Variants in SYT1 observed in about 807,000 individuals in gnomAD.
The protein encoded by SYT1 is synaptotagmin-1.
Under a neutral mutation model 44.8 loss-of-function variants are expected in SYT1, and 8 were observed. That is an observed-to-expected ratio of 0.18 (90% confidence interval 0.10 to 0.32). The LOEUF (loss-of-function observed/expected upper bound fraction) is 0.32, where lower values mean the gene tolerates loss of function less well. Among genes scored for constraint, SYT1 ranks in the 10% least tolerant of loss-of-function variants. SYT1 has a pLI of 1.00. For missense variants in SYT1, 286 were observed against 509.3 expected, an observed-to-expected ratio of 0.56 and a Z score of 4.22; for synonymous variants, 154 against 188.8, an observed-to-expected ratio of 0.82 and a Z score of 1.51.
intron 3 of SYT1, among the ~76,000 whole-genome samples, chr12:79,111,320 T>C (rs1878996500): frequency 6.6e-6 from 1 of 152,024 alleles, no homozygotes; most frequent in Non-Finnish European, 1.5e-5. Flanking sequence ...GTTTTTCTCC[T>C]GCCTTACGTA....
intron 1 of SYT1, among the ~76,000 whole-genome samples, chr12:78,955,178 A>T (rs1879146052): frequency 6.6e-6 from 1 of 152,180 alleles, no homozygotes; most frequent in African/African-American, 2.4e-5. Context: ...ATAATTCAAC[A>T]GTTCTGTTTG....
intron 3 of SYT1, among the ~76,000 whole-genome samples, chr12:79,090,059 C>A (rs12319267): frequency 0.15 from 22,776 of 151,944 alleles, 1,811 homozygotes; most frequent in South Asian, 0.19. Flanking sequence ...TAGCCTAAAA[C>A]TATGTCTACT....
chr12:79,091,365 A>G (rs1039465460), intron 3 of SYT1, among the ~76,000 whole-genome samples: 1 of 151,998 alleles, frequency 6.6e-6, no homozygotes, highest in Non-Finnish European at 1.5e-5. Context: ...GTGTAAGCAA[A>G]CAAGTTTTTA....
At chr12:79,188,806 G>A (rs1258332754) in intron 3 of SYT1, among the ~76,000 whole-genome samples, 1 of 152,086 alleles carries the variant, frequency 6.6e-6, no homozygotes, top group Non-Finnish European at 1.5e-5. Context: ...ACTAATGGCT[G>A]ACTTTCAAGT....
chr12:79,044,060 T>C (rs970724284), intron 2 of SYT1, among the ~76,000 whole-genome samples: 259 of 152,218 alleles, frequency 1.7e-3, no homozygotes, highest in Middle Eastern at 3.4e-3. Flanking sequence ...GCCCTTAACA[T>C]TTTTTCCTTC....
At chr12:79,262,437 G>C (rs1347962798) in intron 4 of SYT1, among the ~76,000 whole-genome samples, 2 of 134,374 alleles carry the variant, frequency 1.5e-5, no homozygotes, top group Non-Finnish European at 1.6e-5. Context: ...GAGGACCAGA[G>C]CCAAGATCAC....
intron 4 of SYT1, among the ~76,000 whole-genome samples, chr12:79,283,527 C>T (rs1013492670): frequency 2.6e-5 from 4 of 151,988 alleles, no homozygotes; most frequent in African/African-American, 7.2e-5. Flanking sequence ...GCTCTCTGAG[C>T]GACTATCACC....
chr12:78,975,417 T>C (rs543921465), intron 1 of SYT1, among the ~76,000 whole-genome samples: 9 of 152,262 alleles, frequency 5.9e-5, no homozygotes, highest in African/African-American at 1.9e-4. Context: ...AGACTAGGCA[T>C]TTAGAAAATT....
chr12:79,439,343 G>A (rs1043139534), intron 9 of SYT1, among the ~76,000 whole-genome samples: 2 of 152,166 alleles, frequency 1.3e-5, no homozygotes, highest in African/African-American at 4.8e-5. Flanking sequence ...CTCACGCTGC[G>A]AGACCACCTC....
chr12:78,979,848 T>C (rs562149199), intron 2 of SYT1, among the ~76,000 whole-genome samples: 22 of 152,220 alleles, frequency 1.4e-4, no homozygotes, highest in African/African-American at 5.3e-4. Flanking sequence ...AGTATTTTCA[T>C]ATTTGAATCT....
chr12:79,164,421 A>AAATT (rs1832641180), intron 3 of SYT1, among the ~76,000 whole-genome samples: 1 of 152,102 alleles, frequency 6.6e-6, no homozygotes, highest in African/African-American at 2.4e-5. Flanking sequence ...ATGCCTCACT[A>AAATT]AATTAAAAAG....
intron 9 of SYT1, among the ~76,000 whole-genome samples, chr12:79,436,731 G>T (rs1870114951): frequency 6.6e-6 from 1 of 152,202 alleles, no homozygotes; most frequent in African/African-American, 2.4e-5. Flanking sequence ...TTGAAGTAGG[G>T]TATGGAATAG....
intron 3 of SYT1, among the ~76,000 whole-genome samples, chr12:79,061,688 C>G (rs900485200): frequency 6.6e-6 from 1 of 152,060 alleles, no homozygotes; most frequent in Non-Finnish European, 1.5e-5. Flanking sequence ...CTTAACAGTG[C>G]CTGAAAAGCT....
At chr12:79,098,197 C>G (rs1411875048) in intron 3 of SYT1, among the ~76,000 whole-genome samples, 1 of 151,980 alleles carries the variant, frequency 6.6e-6, no homozygotes, top group African/African-American at 2.4e-5. Context: ...CTGCAAAAGG[C>G]TCAACAACTT....
intron 3 of SYT1, among the ~76,000 whole-genome samples, chr12:79,130,231 C>A (rs1656233930): frequency 6.6e-6 from 1 of 152,236 alleles, no homozygotes; most frequent in African/African-American, 2.4e-5. Flanking sequence ...TCATATGAGA[C>A]ACTTTTGAGA....
intron 3 of SYT1, among the ~76,000 whole-genome samples, chr12:79,124,459 G>C (rs1208363257): frequency 6.6e-6 from 1 of 152,050 alleles, no homozygotes; most frequent in Admixed American, 6.6e-5. Flanking sequence ...CTTGTCGTGA[G>C]GTAGAATATA....
At chr12:79,223,276 G>A (rs112804467) in intron 4 of SYT1, among the ~76,000 whole-genome samples, 11 of 152,350 alleles carry the variant, frequency 7.2e-5, no homozygotes, top group African/African-American at 2.6e-4. Flanking sequence ...AAGCCCTGCA[G>A]TAGGGTGTGG....
intron 3 of SYT1, among the ~76,000 whole-genome samples, chr12:79,078,121 GC>G (rs1876784897): frequency 6.6e-6 from 1 of 152,166 alleles, no homozygotes; most frequent in Admixed American, 6.5e-5. Context: ...AATTAAGGTT[GC>G]CTTTTTCCCT....
At chr12:79,150,065 T>G (rs977475400) in intron 3 of SYT1, among the ~76,000 whole-genome samples, 3 of 152,210 alleles carry the variant, frequency 2.0e-5, no homozygotes, top group African/African-American at 7.2e-5. Context: ...TGGGGTCCAG[T>G]GAGATGTTTT....
Sources: gnomAD v4.1 joint callset for allele counts (sites outside exome capture counted in the v4.1 genomes callset) on GRCh38, gnomAD v4.1.1 for gene constraint, MANE v1.5 for transcripts, NCBI Gene and HGNC (gene_info 2026-07-23, HGNC 2026-07-21) for gene names.